Variants in FAF1 observed in about 807,000 individuals in gnomAD.
The protein encoded by FAF1 is Fas associated factor 1, also known as FAS-associated factor 1.
A neutral mutation model predicts 92.5 loss-of-function variants in FAF1; 25 were observed. That is an observed-to-expected ratio of 0.27 (90% CI 0.20 to 0.38). The LOEUF is 0.38. Among genes scored for constraint, FAF1 ranks in the 10% least tolerant of loss-of-function variants. FAF1 has a pLI of 1.00. For synonymous variants in FAF1, 234 were observed against 273.2 expected (o/e 0.86, Z 1.42); for missense variants, 636 against 793.3 (o/e 0.80, Z 2.38).
intron 5 of FAF1, among the ~76,000 whole-genome samples, chr1:50,742,373 T>G: frequency 7.5e-6 from 1 of 134,200 alleles, no homozygotes; most frequent in African/African-American, 2.7e-5. Context: ...AAGGCTGTGT[T>G]CAAATTTGGG....
chr1:50,629,263 G>A (rs1653650842), intron 8 of FAF1, among the ~76,000 whole-genome samples: 1 of 145,030 alleles, frequency 6.9e-6, no homozygotes, highest in Non-Finnish European at 1.5e-5. Flanking sequence ...TCCGCCTCCC[G>A]CGTTCAAGTG....
chr1:50,903,861 G>T (rs976716923), intron 1 of FAF1, among the ~76,000 whole-genome samples: 2 of 152,048 alleles, frequency 1.3e-5, no homozygotes, highest in African/African-American at 4.8e-5. Context: ...CTCTCTACAG[G>T]TTGCACATAC....
intron 4 of FAF1, among the ~76,000 whole-genome samples, chr1:50,782,492 A>C (rs1309745610): frequency 6.6e-6 from 1 of 152,114 alleles, no homozygotes. Flanking sequence ...CATTTGTACA[A>C]CTGTACAATG....
chr1:50,899,005 G>A (rs780931166), intron 1 of FAF1, among the ~76,000 whole-genome samples: 1 of 152,064 alleles, frequency 6.6e-6, no homozygotes, highest in Non-Finnish European at 1.5e-5. Flanking sequence ...ACTGCTTGAA[G>A]TTGTCCCACA....
At chr1:50,463,103 C>T (rs72898921) in intron 18 of FAF1, among the ~76,000 whole-genome samples, 14,283 of 152,170 alleles carry the variant, frequency 0.094, 710 homozygotes, top group African/African-American at 0.12. Flanking sequence ...CACTTGCTTT[C>T]CTTCTGGGAG....
intron 1 of FAF1, among the ~76,000 whole-genome samples, chr1:50,919,489 ATT>A (rs753127066): frequency 1.3e-4 from 18 of 143,614 alleles, no homozygotes; most frequent in African/African-American, 2.8e-4. Flanking sequence ...AAATAGAAGA[ATT>A]TTTTTTTTTT....
intron 1 of FAF1, among the ~76,000 whole-genome samples, chr1:50,949,104 G>A (rs1645194012): frequency 6.6e-6 from 1 of 152,308 alleles, no homozygotes; most frequent in South Asian, 2.1e-4. Flanking sequence ...AATTTCAAAA[G>A]TCATCTAGCT....
chr1:50,700,752 A>T (rs911593110), intron 7 of FAF1, among the ~76,000 whole-genome samples: 17 of 152,126 alleles, frequency 1.1e-4, no homozygotes, highest in African/African-American at 3.9e-4. Context: ...ACTGTTCTTA[A>T]TTCTTAAAAT....
intron 18 of FAF1, among the ~76,000 whole-genome samples, chr1:50,446,144 A>G (rs1646224919): frequency 1.3e-5 from 2 of 152,136 alleles, no homozygotes; most frequent in Non-Finnish European, 2.9e-5. Context: ...TAACCCCTTC[A>G]TTTCATAGAA....
chr1:50,551,797 A>G (rs17387164), intron 13 of FAF1, among the ~76,000 whole-genome samples: 35,319 of 152,178 alleles, frequency 0.23, 4,524 homozygotes, highest in Middle Eastern at 0.43. Context: ...CAATCTGTAG[A>G]ATGCTACCAA....
chr1:50,673,275 A>G (rs1655979335), intron 7 of FAF1, among the ~76,000 whole-genome samples: 1 of 151,844 alleles, frequency 6.6e-6, no homozygotes, highest in African/African-American at 2.4e-5. Context: ...AAAAGAAAAG[A>G]AAAAAGAAAA....
chr1:50,530,814 C>A (rs368639195), intron 15 of FAF1, among the ~76,000 whole-genome samples: 22 of 152,074 alleles, frequency 1.4e-4, no homozygotes, highest in East Asian at 9.7e-4. Flanking sequence ...ACAACAACAA[C>A]AAAAAACAAA....
chr1:50,928,880 T>C (rs1054314109), intron 1 of FAF1, among the ~76,000 whole-genome samples: 1 of 150,060 alleles, frequency 6.7e-6, no homozygotes, highest in Non-Finnish European at 1.5e-5. Flanking sequence ...GCTCAGGGGA[T>C]CGAGACCAGC....
intron 8 of FAF1, among the ~76,000 whole-genome samples, chr1:50,602,380 A>C (rs1652181587): frequency 6.6e-6 from 1 of 152,152 alleles, no homozygotes; most frequent in Admixed American, 6.5e-5. Flanking sequence ...GTGTATTTGT[A>C]TGTCAAGATG....
intron 2 of FAF1, among the ~76,000 whole-genome samples, chr1:50,831,804 A>AG (rs1644155505): frequency 8.1e-6 from 1 of 124,082 alleles, no homozygotes; most frequent in Non-Finnish European, 1.8e-5. Context: ...CTTATCAGAG[A>AG]CAAAAAAAAA....
chr1:50,685,096 T>C (rs1446007339), intron 7 of FAF1, among the ~76,000 whole-genome samples: 2 of 152,124 alleles, frequency 1.3e-5, no homozygotes, highest in African/African-American at 2.4e-5. Flanking sequence ...CACATACGGA[T>C]CTTTGAATGG....
chr1:50,756,844 C>A (rs184631301), intron 4 of FAF1, among the ~76,000 whole-genome samples: 3 of 152,184 alleles, frequency 2.0e-5, no homozygotes, highest in Non-Finnish European at 4.4e-5. Context: ...TTCACTATCA[C>A]GAGAACAGCA....
chr1:50,719,856 C>T (rs184612553), intron 6 of FAF1, among the ~76,000 whole-genome samples: 1 of 152,272 alleles, frequency 6.6e-6, no homozygotes, highest in Non-Finnish European at 1.5e-5. Context: ...TATCAATAGG[C>T]AATAAACTGT....
At chr1:50,766,582 A>C (rs1341118310) in intron 4 of FAF1, among the ~76,000 whole-genome samples, 3 of 151,978 alleles carry the variant, frequency 2.0e-5, no homozygotes, top group Non-Finnish European at 4.4e-5. Context: ...GAAGGCATTC[A>C]GAGTGGATGA....
Sources: gnomAD v4.1 joint callset for allele counts (sites outside exome capture counted in the v4.1 genomes callset) on GRCh38, gnomAD v4.1.1 for gene constraint, MANE v1.5 for transcripts, NCBI Gene and HGNC (gene_info 2026-07-23, HGNC 2026-07-21) for gene names.